The following DIP2C variants were observed in gnomAD, a reference collection of about 807,000 sequenced individuals.
The protein encoded by DIP2C is disco-interacting protein 2 homolog C.
In DIP2C, 33 loss-of-function variants were observed where a neutral mutation model predicts 192.4. That is an observed-to-expected ratio of 0.17 (90% CI 0.13 to 0.23). The LOEUF is 0.23. Among genes scored for constraint, DIP2C ranks in the 10% least tolerant of loss-of-function variants. The probability of loss-of-function intolerance (pLI) is 1.00; values close to 1 mark genes in which losing one functional copy is unlikely to be tolerated. For missense variants in DIP2C, 1,537 were observed against 2,110.1 expected, an observed-to-expected ratio of 0.73 and a Z score of 5.32; for synonymous variants, 979 against 864.1, an observed-to-expected ratio of 1.13 and a Z score of -2.33.
chr10:511,058 A>G (rs1392024592), intron 1 of DIP2C, among the ~76,000 whole-genome samples: 1 of 152,248 alleles, frequency 6.6e-6, no homozygotes, highest in African/African-American at 2.4e-5. Flanking sequence ...GGTTTAAGAC[A>G]CACGTAAGTC....
At chr10:446,992 A>T (rs1419990283) in intron 3 of DIP2C, among the ~76,000 whole-genome samples, 1 of 152,204 alleles carries the variant, frequency 6.6e-6, no homozygotes, top group Non-Finnish European at 1.5e-5. Context: ...TGTAGTAATA[A>T]TTTGTAAAAA....
rs144809330 is a variant in DIP2C, at chr10:425,635, A to G, written c.395-2602T>C. ...CGGTGACTAATATGACATGGATGAT[A>G]CAGCATGACCAGTGGTGACTAATAT... On this transcript the variant is annotated intron_variant, in intron 4 of 36. Transcript: ENST00000280886. 6.0e-3 allele frequency among the ~76,000 whole-genome samples: 911 copies of G among 151,882 alleles called. 13 individuals carry two copies. Among genetic ancestry groups the G allele is most frequent in the African/African-American group, 0.02 (846 of 41,316 alleles).
chr10:367,622 C>T (rs1180878753), intron 18 of DIP2C, among the ~76,000 whole-genome samples: 1 of 152,118 alleles, frequency 6.6e-6, no homozygotes, highest in Admixed American at 6.5e-5. Flanking sequence ...AACACAACTC[C>T]CACTTCTAGA....
At chr10:570,975 C>G (rs1478567988) in intron 1 of DIP2C, among the ~76,000 whole-genome samples, 1 of 152,260 alleles carries the variant, frequency 6.6e-6, no homozygotes, top group Non-Finnish European at 1.5e-5. Context: ...CCCACCGGAG[C>G]CCCGGCAGCA....
At chr10:490,482 A>G (rs1844352441) in intron 1 of DIP2C, among the ~76,000 whole-genome samples, 1 of 152,170 alleles carries the variant, frequency 6.6e-6, no homozygotes, top group Non-Finnish European at 1.5e-5. Flanking sequence ...ACGTCATCCA[A>G]GGCTATTTCG....
chr10:320,483 G>A lies in DIP2C; in HGVS notation c.3924+6523C>T, dbSNP rs1262425375. Among the ~76,000 whole-genome samples the A allele has an allele frequency of 3.3e-5, 5 of 150,520 alleles. No individual in the cohort carries two copies. In the East Asian group the frequency reaches 9.7e-4, roughly 29 times the overall value. Reference sequence around the variant, plus strand: ...AGATCATGCCATTACACTCCAGCCTGGATGACAAGAGCAAGACTCCGTCTC... The same window carrying A: ...AGATCATGCCATTACACTCCAGCCTAGATGACAAGAGCAAGACTCCGTCTC... On this transcript the variant is annotated intron_variant, in intron 31 of 36. Transcript: ENST00000280886.
chr10:687,765 C>T lies in DIP2C; in HGVS notation c.85+1729G>A, dbSNP rs137919165. Among the ~76,000 whole-genome samples the T allele has an allele frequency of 6.7e-4, 102 of 152,352 alleles. 1 individual carries two copies. The highest frequency in any genetic ancestry group is 2.3e-3 in the African/African-American group (97 of 41,572). On this transcript the variant is annotated intron_variant, in intron 1 of 36. Transcript: ENST00000280886. The stretch of plus-strand genomic sequence containing the variant: ...GTCGTCACCTCAAAAGGCCACAATG[C>T]CCAACACAGGACACCCATTCCCATA...
intron 3 of DIP2C, among the ~76,000 whole-genome samples, chr10:470,367 CTG>C (rs1346963724): frequency 6.6e-6 from 1 of 152,186 alleles, no homozygotes; most frequent in African/African-American, 2.4e-5. Flanking sequence ...CCTGCAGACT[CTG>C]AGCTGAAGTG....
chr10:674,239 A>G (rs1193964537), intron 1 of DIP2C, among the ~76,000 whole-genome samples: 1 of 152,218 alleles, frequency 6.6e-6, no homozygotes, highest in Non-Finnish European at 1.5e-5. Flanking sequence ...AAAGACACAC[A>G]TAGACTAAAC....
chr10:476,189 C>T lies in DIP2C; in HGVS notation c.158-3640G>A, dbSNP rs115008617. On this transcript the variant is annotated intron_variant, in intron 2 of 36. Transcript: ENST00000280886. ...TTCACACACTCAAGAGTCTGGAGAA[C>T]AAAGAGCAAGGTCTCTTGAGGCAAG... Among the ~76,000 whole-genome samples, 513 of 152,272 alleles carry T rather than the reference C, an allele frequency of 3.4e-3. 2 individuals are homozygous for T. Among genetic ancestry groups the T allele is most frequent in the African/African-American group, 0.012 (496 of 41,546 alleles).
chr10:472,514 G>A lies in DIP2C; in HGVS notation c.193C>T (p.Pro65Ser). The change falls in exon 3 of 37, where the codon CCT becomes TCT. Residue 65 changes from proline to serine, a missense_variant. Physicochemically the swap from Pro to Ser is moderately conservative, Grantham distance 74. Transcript: ENST00000280886. Reference protein sequence around the residue: ...DQALPQERRAPVTPSSASRYH... With the variant: ...DQALPQERRASVTPSSASRYH... ...CGAGAGGCGGAGGAAGGAGTGACAGGAGCCCGGCGTTCTTGCGGCAAAGCT... is the reference window on the plus strand; with the variant it reads ...CGAGAGGCGGAGGAAGGAGTGACAGAAGCCCGGCGTTCTTGCGGCAAAGCT... 6.2e-7 allele frequency: 1 copy of A among 1,614,210 alleles called. No individual in the cohort carries two copies. The highest frequency in any genetic ancestry group is 8.5e-7 in the Non-Finnish European group (1 of 1,180,044).
At chr10:420,943 G>A (rs769837492) in intron 5 of DIP2C, among the ~76,000 whole-genome samples, 5 of 152,154 alleles carry the variant, frequency 3.3e-5, no homozygotes, top group East Asian at 3.9e-4. Flanking sequence ...TCACGCGCAC[G>A]CAGACGCACG....
At chr10:685,995 T>C (rs542061857) in intron 1 of DIP2C, among the ~76,000 whole-genome samples, 1 of 152,310 alleles carries the variant, frequency 6.6e-6, no homozygotes, top group South Asian at 2.1e-4. Flanking sequence ...AGTTTGTCTT[T>C]ATGGGGAAGT....
At chr10:414,271 A>G (rs932644170) in intron 7 of DIP2C, among the ~76,000 whole-genome samples, 161 bp from the exon 8 acceptor site, 1 of 152,232 alleles carries the variant, frequency 6.6e-6, no homozygotes, top group Admixed American at 6.5e-5. Context: ...ATACACTAGC[A>G]TCACGGATGC....
At chr10:563,719 C>T (rs1005655053) in intron 1 of DIP2C, among the ~76,000 whole-genome samples, 1 of 152,190 alleles carries the variant, frequency 6.6e-6, no homozygotes, top group Admixed American at 6.5e-5. Flanking sequence ...GCCAAAGATG[C>T]GTCCAGAGGA....
chr10:490,844 G>T (rs1011988134), intron 1 of DIP2C, among the ~76,000 whole-genome samples: 1 of 152,110 alleles, frequency 6.6e-6, no homozygotes, highest in Non-Finnish European at 1.5e-5. Context: ...AAAGAGGAGA[G>T]ATTTACACAC....
intron 1 of DIP2C, among the ~76,000 whole-genome samples, chr10:600,499 T>TGCGGA (rs1444601255): frequency 2.0e-5 from 3 of 150,560 alleles, no homozygotes; most frequent in East Asian, 1.9e-4. Flanking sequence ...GCCCAGGGTG[T>TGCGGA]TCGGATGCTC....
chr10:528,712 T>A (rs1316799901), intron 1 of DIP2C, among the ~76,000 whole-genome samples: 2 of 152,144 alleles, frequency 1.3e-5, no homozygotes, highest in African/African-American at 2.4e-5. Flanking sequence ...TACCACAGTA[T>A]CCTGTGGATC....
chr10:485,400 G>GC (rs1406036968), intron 2 of DIP2C, among the ~76,000 whole-genome samples: 2 of 152,186 alleles, frequency 1.3e-5, no homozygotes, highest in Non-Finnish European at 2.9e-5. Context: ...TTCCAGCCCA[G>GC]CCCTCTGCTC....
Sources: allele counts gnomAD v4.1 joint callset (sites outside exome capture counted in the v4.1 genomes callset), GRCh38; gene constraint gnomAD v4.1.1; transcripts MANE v1.5; gene names NCBI Gene and HGNC (gene_info 2026-07-23, HGNC 2026-07-21).